APOB: variants seen among roughly 807,000 people sequenced by gnomAD.
APOB encodes the protein apolipoprotein B-100.
In APOB, 153 loss-of-function variants were observed where a neutral mutation model predicts 314.1. The ratio of observed to expected loss-of-function variants is 0.49; its 90% confidence interval spans 0.43 to 0.56. The LOEUF (loss-of-function observed/expected upper bound fraction) is 0.56. Among genes scored for constraint, APOB ranks in the 20% least tolerant of loss-of-function variants. APOB has a pLI of 0.00. For missense variants in APOB, 5,430 were observed against 5,350.7 expected (o/e 1.01, Z -0.46); for synonymous variants, 2,087 against 2,036.4 (o/e 1.02, Z -0.67).
In APOB at chr2:21,002,426, C is replaced by T. The variant is rs752278438; in HGVS notation, c.12996G>A (p.Glu4332=). Reference sequence around the variant, plus strand: ...TATAATCACTGAAGATTGTGTTGATCTCATCTTGGATATAATTAATAAGAT... The same window carrying T: ...TATAATCACTGAAGATTGTGTTGATTTCATCTTGGATATAATTAATAAGAT... ...FTYLINYIQD[E]INTIFSDYIP... Residue 4332 remains glutamate (E), a synonymous_variant, in exon 29 of 29, where the codon GAG becomes GAA. Transcript: ENST00000233242. 2.5e-6 allele frequency: 4 copies of T among 1,601,320 alleles called. No individual in the cohort carries two copies. In the African/African-American group the frequency reaches 5.4e-5, roughly 22 times the overall value.
Position 21,010,743 on chromosome 2 carries a change from A to G in APOB, c.6125T>C (p.Met2042Thr), listed in dbSNP as rs371224295. The G allele has an allele frequency of 4.0e-5, 64 of 1,613,960 alleles. No homozygotes were observed. The highest frequency in any genetic ancestry group is 1.6e-4 in the Middle Eastern group (1 of 6,082). The change falls in exon 26 of 29, where the codon ATG becomes ACG. Residue 2042 changes from methionine to threonine, a missense_variant. Met to Thr is a moderately conservative substitution (Grantham distance 81). Coordinates refer to ENST00000233242, the MANE Select transcript of APOB (RefSeq NM_000384.3). Reference protein sequence around the residue: ...EPINIIDALEMRDAVEKPQEF... With the variant: ...EPINIIDALETRDAVEKPQEF... The stretch of plus-strand genomic sequence containing the variant: ...TTGGGGCTTCTCAACGGCATCTCTC[A>G]TCTCTAAAGCATCAATGATATTGAT...
At position 21,002,181 on chromosome 2, in the gene APOB, A is replaced by G. The variant is rs1663000417; in HGVS notation, c.13241T>C (p.Leu4414Pro). The change falls in exon 29 of 29, where the codon CTG (leucine) becomes CCG (proline). Residue 4414 changes from leucine (L) to proline (P), a missense_variant. Transcript: ENST00000233242. ...EEKIVSLIKN[L>P]LVALKDFHSE... Reference sequence around the variant, plus strand: ...ATGGAAGTCCTTAAGAGCAACTAACAGGTTCTTGATCAGACTGACTATCTT... The same window carrying G: ...ATGGAAGTCCTTAAGAGCAACTAACGGGTTCTTGATCAGACTGACTATCTT... The G allele has an allele frequency of 6.2e-7, 1 of 1,613,976 alleles. No individual in the cohort carries two copies. The highest frequency in any genetic ancestry group is 1.1e-5 in the South Asian group (1 of 91,076).
At position 21,028,511 on chromosome 2, in the gene APOB, G is replaced by A. The variant is rs1173968181; in HGVS notation, c.1645C>T (p.Leu549Phe). The A allele has an allele frequency of 3.7e-6, 6 of 1,613,206 alleles. No homozygotes were observed. The highest frequency in any genetic ancestry group is 1.3e-5 in the African/African-American group (1 of 74,930). ...KDQEVLLQTF[L>F]DDASPGDKRL... ...TTATCTCCCGGAGAAGCATCATCAA[G>A]GAAAGTCTGAAGAAGAACCTCCTGG... Residue 549 changes from leucine (L) to phenylalanine (F), a missense_variant, in exon 13 of 29, where the codon CTT becomes TTT. By Grantham distance (22) the Leu-to-Phe change is conservative. Transcript: ENST00000233242.
At position 21,006,313 on chromosome 2, in the gene APOB, T is replaced by C. The variant is rs1279399964; in HGVS notation, c.10555A>G (p.Thr3519Ala). The stretch of plus-strand genomic sequence containing the variant: ...CGTGTGCTCTTGGAATTCAAGTAAG[T>C]GTTGGCCTCACTAGCAATAGTTCCT... ...YSGTIASEAN[T>A]YLNSKSTRSS... The change falls in exon 26 of 29, where the codon ACT becomes GCT. Residue 3519 changes from threonine (T) to alanine (A), a missense_variant. Thr to Ala is a moderately conservative substitution (Grantham distance 58). This residue lies in a region of APOB where 3,281 missense variants were observed against 3,171.0 expected (regional missense o/e 1.03). Coordinates refer to ENST00000233242, the MANE Select transcript of APOB (RefSeq NM_000384.3). The C allele has an allele frequency of 1.9e-6, 3 of 1,613,932 alleles. No individual in the cohort carries two copies. Among genetic ancestry groups the C allele is most frequent in the Non-Finnish European group, 2.5e-6 (3 of 1,179,978 alleles).
In APOB at chr2:21,007,234, T is replaced by G. The variant is rs1663169094; in HGVS notation, c.9634A>C (p.Arg3212=). The part of the protein sequence containing the change: ...KSFDRHFEKN[R]NNALDFVTKS... ...GTGACAAAATCTAATGCATTGTTTC[T>G]GTTTTTTTCAAAATGCCTGTCAAAG... is the stretch of plus-strand genomic sequence containing the variant. The change falls in exon 26 of 29, where the codon AGA becomes CGA. Residue 3212 remains arginine (R), a synonymous_variant. Coordinates refer to ENST00000233242, the MANE Select transcript of APOB (RefSeq NM_000384.3). The G allele has an allele frequency of 4.3e-6, 7 of 1,613,452 alleles. No homozygotes were observed. The highest frequency in any genetic ancestry group is 5.9e-6 in the Non-Finnish European group (7 of 1,179,638).
chr2:21,027,013 A>G (rs1258960563), intron 14 of APOB, 49 bp from the exon 15 acceptor site: 6 of 1,575,952 alleles, frequency 3.8e-6, no homozygotes, highest in African/African-American at 1.3e-5. Context: ...TCTTTGTTGT[A>G]TGCCAGCCTA....
In APOB at chr2:21,022,934, A is replaced by G. The variant is rs61747361; in HGVS notation, c.2713T>C (p.Phe905Leu). Residue 905 changes from phenylalanine to leucine, a missense_variant, in exon 18 of 29, where the codon TTC (phenylalanine) becomes CTC (leucine). By Grantham distance (22) the Phe-to-Leu change is conservative (BLOSUM62 0). This residue lies in a region of APOB where 2,085 missense variants were observed against 2,079.7 expected (regional missense o/e 1.00). Coordinates refer to ENST00000233242, the MANE Select transcript of APOB (RefSeq NM_000384.3). ...GCCTCCAGACCCGACTCGTGGAAGA[A>G]GTTGGTGTTCATCTGGACCCCACTC... The part of the protein sequence containing the change: ...ARSGVQMNTN[F>L]FHESGLEAHV... 5.6e-6 allele frequency: 9 copies of G among 1,614,174 alleles called. No individual in the cohort carries two copies. The highest frequency in any genetic ancestry group is 7.6e-6 in the Non-Finnish European group (9 of 1,180,014).
At chr2:21,032,285 T>C (rs1242038250) in intron 10 of APOB, 69 bp downstream of exon 10, 3 of 1,400,742 alleles carry the variant, frequency 2.1e-6, no homozygotes, top group East Asian at 4.5e-5. Context: ...TCAGTTTTAA[T>C]ACAGAGATGC....
rs1663271209 is a variant in APOB, at chr2:21,010,315, T to C, written c.6553A>G (p.Ile2185Val). The change falls in exon 26 of 29, where the codon ATT becomes GTT. Residue 2185 changes from isoleucine (I) to valine (V), a missense_variant. By Grantham distance (29) the Ile-to-Val change is conservative (BLOSUM62 3). Transcript: ENST00000233242. Reference sequence around the variant, plus strand: ...TCATGTAAATCATAACTATCTTTAATATACTGATCAAATTGTATCATATAT... The same window carrying C: ...TCATGTAAATCATAACTATCTTTAACATACTGATCAAATTGTATCATATAT... ...QTYMIQFDQY[I>V]KDSYDLHDLK... is the part of the protein sequence containing the mutation. 2 of 1,554,030 alleles carry C rather than the reference T, an allele frequency of 1.3e-6. No homozygotes were observed. The highest frequency in any genetic ancestry group is 2.5e-5 in the South Asian group (2 of 80,274).
chr2:21,019,855 A>G lies in APOB; in HGVS notation c.2867T>C (p.Leu956Pro). The part of the protein sequence containing the change: ...STTKTEVIPP[L>P]IENRQSWSVC... ...TGACCAGGACTGCCTGTTCTCAATG[A>G]GAGGTGGGATCACCTCCGTTTTGGT... Residue 956 changes from leucine to proline, a missense_variant, in exon 19 of 29, where the codon CTC becomes CCC. Leu to Pro is a moderately conservative substitution (Grantham distance 98). Coordinates refer to ENST00000233242, the MANE Select transcript of APOB (RefSeq NM_000384.3). The G allele has an allele frequency of 6.2e-7, 1 of 1,614,194 alleles. No individual in the cohort carries two copies. The highest frequency in any genetic ancestry group is 8.5e-7 in the Non-Finnish European group (1 of 1,180,034).
At chr2:21,003,377 C>A in intron 28 of APOB, 43 bp from the exon 29 acceptor site, 2 of 1,533,308 alleles carry the variant, frequency 1.3e-6, no homozygotes, top group Non-Finnish European at 1.8e-6. Flanking sequence ...TTCAATTACT[C>A]CAATTACACA....
intron 15 of APOB, 132 bp downstream of exon 15, chr2:21,026,656 A>T (rs1485407306): frequency 3.9e-6 from 3 of 777,690 alleles, no homozygotes; most frequent in Non-Finnish European, 6.8e-6. Context: ...TTACCCCAGC[A>T]GGTCTGGTTG....
Position 21,019,109 on chromosome 2 carries a change from C to G in APOB, c.3004G>C (p.Glu1002Gln). The change falls in exon 20 of 29, where the codon GAG becomes CAG. Residue 1002 changes from glutamate (E) to glutamine (Q), a missense_variant. This residue lies in a region of APOB where 2,085 missense variants were observed against 2,079.7 expected (regional missense o/e 1.00). Transcript: ENST00000233242. ...TCTCCTGTAGGCCTCAGTTCCAGCT[C>G]TAATCTAAAGACATTACAATGAAGA... ...YYPLTGDTRL[E>Q]LELRPTGEIE... 9 of 1,613,996 alleles carry G rather than the reference C, an allele frequency of 5.6e-6. No individual in the cohort carries two copies. Among genetic ancestry groups the G allele is most frequent in the Non-Finnish European group, 7.6e-6 (9 of 1,179,996 alleles).
chr2:21,035,443 G>C, intron 7 of APOB, 141 bp downstream of exon 7: 2 of 1,096,958 alleles, frequency 1.8e-6, no homozygotes, highest in Admixed American at 3.8e-5. Context: ...CGCTTAAAAA[G>C]GGGGACAGGG....
intron 15 of APOB, among the ~76,000 whole-genome samples, chr2:21,026,506 C>A (rs1382117812): frequency 1.3e-5 from 2 of 152,012 alleles, no homozygotes; most frequent in African/African-American, 4.8e-5. Flanking sequence ...CCTTGGCCTC[C>A]CAAAGTGCTG....
Position 21,007,932 on chromosome 2 carries a change from C to G in APOB, c.8936G>C (p.Gly2979Ala), listed in dbSNP as rs1001971632. The G allele has an allele frequency of 6.8e-6, 11 of 1,613,952 alleles. No homozygotes were observed. The highest frequency in any genetic ancestry group is 9.3e-6 in the Non-Finnish European group (11 of 1,179,932). The change falls in exon 26 of 29, where the codon GGC (glycine) becomes GCC (alanine). Residue 2979 changes from glycine to alanine, a missense_variant. Physicochemically the swap from Gly to Ala is moderately conservative, Grantham distance 60. Around this residue, in one of 3 missense-constraint regions of APOB, gnomAD observed 3,281 missense variants for 3,171.0 expected, o/e 1.03. Coordinates refer to ENST00000233242, the MANE Select transcript of APOB (RefSeq NM_000384.3). ...TTCAAGTTTAGAAAAGTTGAGGGAGCCAGATTCATAAACCAAGTTTTGGTT... is the reference window on the plus strand; with the variant it reads ...TTCAAGTTTAGAAAAGTTGAGGGAGGCAGATTCATAAACCAAGTTTTGGTT... ...RVNQNLVYES[G>A]SLNFSKLEIQ...
At position 21,006,775 on chromosome 2, in the gene APOB, G is replaced by A; in HGVS notation, c.10093C>T (p.His3365Tyr). ...ACAGATGAAGATGAAGAAAGGAGATGAGCAACAATATCTGACTGGTTAAAA... is the reference window on the plus strand; with the variant it reads ...ACAGATGAAGATGAAGAAAGGAGATAAGCAACAATATCTGACTGGTTAAAA... ...ELFNQSDIVA[H>Y]LLSSSSSVID... Residue 3365 changes from histidine to tyrosine, a missense_variant, in exon 26 of 29, where the codon CAT becomes TAT. Physicochemically the swap from His to Tyr is moderately conservative, Grantham distance 83. Transcript: ENST00000233242. 6.2e-7 allele frequency: 1 copy of A among 1,614,078 alleles called. No individual in the cohort carries two copies. The highest frequency in any genetic ancestry group is 2.2e-5 in the East Asian group (1 of 44,874).
rs1047313101 is a variant in APOB, at chr2:21,028,649, C to T, written c.1618-111G>A. The T allele has an allele frequency of 7.9e-6, 6 of 762,556 alleles. No individual in the cohort carries two copies. The African/African-American group carries it at 1.0e-4, about 13-fold the overall frequency. 47.2% of individuals were successfully genotyped at this position (762,556 alleles called of 1,614,324 possible). A position where few individuals can be genotyped will look rare whatever the true frequency, so the allele number is the denominator to read the frequency against. ...TCTTTCTTAAGCACAGGTCTAATTTCTCTGTAATCGTTCTTCAAATGCTGG... is the reference window on the plus strand; with the variant it reads ...TCTTTCTTAAGCACAGGTCTAATTTTTCTGTAATCGTTCTTCAAATGCTGG... On this transcript the variant is annotated intron_variant, in intron 12 of 28. Coordinates refer to ENST00000233242, the MANE Select transcript of APOB (RefSeq NM_000384.3).
At chr2:21,014,344 A>G in intron 24 of APOB, 104 bp downstream of exon 24, 1 of 1,399,918 alleles carries the variant, frequency 7.1e-7, no homozygotes, top group Non-Finnish European at 9.9e-7. Context: ...TAAAATGCTT[A>G]AATTATTTCC....
Sources: gnomAD v4.1 joint callset for allele counts (sites outside exome capture counted in the v4.1 genomes callset) on GRCh38, gnomAD v4.1.1 for gene constraint, gnomAD v4.1.1 regional missense constraint, MANE v1.5 for transcripts, NCBI Gene and HGNC (gene_info 2026-07-23, HGNC 2026-07-21) for gene names.